Variants in SCN10A observed in about 807,000 individuals in gnomAD.
The protein encoded by SCN10A is sodium channel protein type 10 subunit alpha.
SCN10A carries 162 observed loss-of-function variants against 170.7 expected under a neutral mutation model. The ratio of observed to expected loss-of-function variants is 0.95; its 90% confidence interval spans 0.84 to 1.08. The LOEUF (loss-of-function observed/expected upper bound fraction) is 1.08, where lower values mean the gene tolerates loss of function less well. Ranked by LOEUF, SCN10A falls within the 50% of genes least tolerant of loss-of-function variation. The probability of loss-of-function intolerance (pLI) is 0.00; values close to 1 mark genes in which losing one functional copy is unlikely to be tolerated. For synonymous variants in SCN10A, 985 were observed against 904.6 expected (o/e 1.09, Z -1.59); for missense variants, 2,527 against 2,436.9 (o/e 1.04, Z -0.78).
chr3:38,728,053 T>G (rs765353110), intron 16 of SCN10A, among the ~76,000 whole-genome samples: 3 of 152,202 alleles, frequency 2.0e-5, no homozygotes, highest in Non-Finnish European at 4.4e-5. Flanking sequence ...CTTACTTCCC[T>G]GAATAAAAAT....
At chr3:38,707,025 G>C (rs893693906) in intron 26 of SCN10A, among the ~76,000 whole-genome samples, 1 of 152,132 alleles carries the variant, frequency 6.6e-6, no homozygotes, top group Admixed American at 6.5e-5. Flanking sequence ...AAAACTGTTG[G>C]AGAAACTCAG....
intron 2 of SCN10A, among the ~76,000 whole-genome samples, chr3:38,792,481 C>T (rs554298287): frequency 6.6e-6 from 1 of 152,272 alleles, no homozygotes; most frequent in Non-Finnish European, 1.5e-5. Context: ...CAGGGGAGGA[C>T]TCTGGCAACA....
chr3:38,744,450 T>C (rs1157065330), intron 13 of SCN10A, among the ~76,000 whole-genome samples: 3 of 109,196 alleles, frequency 2.7e-5, no homozygotes, highest in African/African-American at 4.9e-5. Context: ...AGTATTTTTA[T>C]TTGTTTTCTT....
chr3:38,761,558 C>G (rs1202724997), intron 6 of SCN10A, among the ~76,000 whole-genome samples, 175 bp from the exon 7 acceptor site: 2 of 152,092 alleles, frequency 1.3e-5, no homozygotes, highest in Non-Finnish European at 2.9e-5. Flanking sequence ...GAGAGGCAGG[C>G]AGAGAGTCAG....
In SCN10A at chr3:38,742,367, A is replaced by C; in HGVS notation, c.2030T>G (p.Val677Gly). The C allele has an allele frequency of 6.2e-7, 1 of 1,614,156 alleles. No individual in the cohort carries two copies. Among genetic ancestry groups the C allele is most frequent in the Non-Finnish European group, 8.5e-7 (1 of 1,180,028 alleles). ...AELTITLCIVVNTIFMAMEHH... is the reference protein window; with the variant it reads ...AELTITLCIVGNTIFMAMEHH... Reference sequence around the variant, plus strand: ...CTCCATGGCCATGAAGATGGTGTTCACCACGATGCACAAGGTGATGGTGAG... The same window carrying C: ...CTCCATGGCCATGAAGATGGTGTTCCCCACGATGCACAAGGTGATGGTGAG... The change falls in exon 14 of 28, where the codon GTG becomes GGG. Residue 677 changes from valine (V) to glycine (G), a missense_variant. Transcript: ENST00000449082.
chr3:38,752,418 C>A lies in SCN10A; in HGVS notation c.1556G>T (p.Gly519Val), dbSNP rs369629253. ...AGGAAAGACTCCATCATCTGTGACT[C>A]CCTCAGGGAGTGAGATATCTCGGCC... ...SPGRDISLPE[G>V]VTDDGVFPGD... is the part of the protein sequence containing the mutation. Residue 519 changes from glycine to valine, a missense_variant, in exon 12 of 28, where the codon GGA becomes GTA. Physicochemically the swap from Gly to Val is moderately radical, Grantham distance 109 (BLOSUM62 -3). Transcript: ENST00000449082. The A allele has an allele frequency of 1.1e-5, 18 of 1,613,586 alleles. No homozygotes were observed. Among genetic ancestry groups the A allele is most frequent in the Admixed American group, 6.7e-5 (4 of 59,956 alleles).
At chr3:38,802,166 C>T (rs1395939353) in intron 1 of SCN10A, among the ~76,000 whole-genome samples, 1 of 152,160 alleles carries the variant, frequency 6.6e-6, no homozygotes, top group Non-Finnish European at 1.5e-5. Context: ...TAGCAGTACA[C>T]GAACTATAGG....
chr3:38,730,111 A>T (rs2063499909), intron 15 of SCN10A, among the ~76,000 whole-genome samples: 1 of 152,192 alleles, frequency 6.6e-6, no homozygotes, highest in African/African-American at 2.4e-5. Context: ...TGGCCTGCCG[A>T]AGGTTGTAAG....
chr3:38,771,248 C>T (rs775094954), intron 5 of SCN10A, 31 bp downstream of exon 5: 33 of 1,610,338 alleles, frequency 2.0e-5, no homozygotes, highest in Non-Finnish European at 2.8e-5. Context: ...TCTCCTATCA[C>T]ACATGCAGAT....
intron 10 of SCN10A, 53 bp downstream of exon 10, chr3:38,756,621 C>T (rs541021339): frequency 2.3e-5 from 33 of 1,464,668 alleles, no homozygotes; most frequent in Non-Finnish European, 5.7e-6. Context: ...AGAACAGTAT[C>T]CAAGAATGGA....
intron 1 of SCN10A, among the ~76,000 whole-genome samples, chr3:38,802,657 A>C (rs1376096855): frequency 1.3e-5 from 2 of 152,342 alleles, no homozygotes; most frequent in East Asian, 3.9e-4. Context: ...TTCTAGATGG[A>C]TTAAATACTT....
At chr3:38,765,459 T>A (rs970243463) in intron 5 of SCN10A, among the ~76,000 whole-genome samples, 4 of 152,228 alleles carry the variant, frequency 2.6e-5, no homozygotes, top group African/African-American at 9.6e-5. Context: ...CACCATTTGT[T>A]GAATAGGGTG....
chr3:38,750,231 T>C, intron 12 of SCN10A, 47 bp from the exon 13 acceptor site: 1 of 1,114,936 alleles, frequency 9.0e-7, no homozygotes, highest in Non-Finnish European at 1.4e-6. Context: ...ACCTGACATC[T>C]TCATGGCAAA....
chr3:38,746,965 C>T (rs1277996838), intron 13 of SCN10A, among the ~76,000 whole-genome samples: 2 of 152,260 alleles, frequency 1.3e-5, no homozygotes, highest in Admixed American at 6.5e-5. Context: ...CTTTCTTAAG[C>T]ATAATCCCTC....
intron 16 of SCN10A, among the ~76,000 whole-genome samples, chr3:38,727,568 G>A (rs1351606743): frequency 6.6e-6 from 1 of 152,228 alleles, no homozygotes; most frequent in Non-Finnish European, 1.5e-5. Flanking sequence ...GGCTCAGCCT[G>A]GAAGAACAGA....
intron 12 of SCN10A, 126 bp from the exon 13 acceptor site, chr3:38,750,310 G>A: frequency 1.7e-6 from 1 of 589,892 alleles, no homozygotes; most frequent in Non-Finnish European, 3.1e-6. Context: ...ATAGAGATAT[G>A]TTCTGACAAA....
Position 38,698,249 on chromosome 3 carries a change from A to G in SCN10A, c.4971T>C (p.Ile1657=). The G allele has an allele frequency of 3.7e-6, 6 of 1,614,126 alleles. No individual in the cohort carries two copies. Among genetic ancestry groups the G allele is most frequent in the South Asian group, 1.1e-5 (1 of 91,070 alleles). ...GGCCATCCCAGCCGGCCGACGTGGT[A>G]ATCTGGAAGAGGCACAGCATGCTGT... ...FANSMLCLFQ[I]TTSAGWDGLL... is the part of the protein sequence containing the mutation. Residue 1657 remains isoleucine, a synonymous_variant, in exon 28 of 28, where the codon ATT becomes ATC. Transcript: ENST00000449082.
chr3:38,780,368 A>G (rs2064124964), intron 4 of SCN10A, among the ~76,000 whole-genome samples: 1 of 151,898 alleles, frequency 6.6e-6, no homozygotes, highest in Non-Finnish European at 1.5e-5. Flanking sequence ...CACCGTGAGG[A>G]GTATTTTTTT....
intron 21 of SCN10A, among the ~76,000 whole-genome samples, chr3:38,718,274 G>A (rs576626275): frequency 1.3e-5 from 2 of 152,346 alleles, no homozygotes; most frequent in South Asian, 2.1e-4. Flanking sequence ...CAGAACCGCA[G>A]GTGGGAAGAT....
Sources: gnomAD v4.1 joint callset for allele counts (sites outside exome capture counted in the v4.1 genomes callset) on GRCh38, gnomAD v4.1.1 for gene constraint, MANE v1.5 for transcripts, NCBI Gene and HGNC (gene_info 2026-07-23, HGNC 2026-07-21) for gene names.